Variants in CSRNP3 observed in about 807,000 individuals in gnomAD.
CSRNP3 encodes the protein cysteine and serine rich nuclear protein 3.
CSRNP3 carries 12 observed loss-of-function variants against 48.0 expected under a neutral mutation model. The observed-to-expected ratio is 0.25, with a 90% CI of 0.16 to 0.41. The LOEUF is 0.41. CSRNP3 is among the 10% of genes least tolerant of loss of function. The probability of loss-of-function intolerance (pLI) is 1.00; values close to 1 mark genes in which losing one functional copy is unlikely to be tolerated. For missense variants in CSRNP3, 580 were observed against 724.4 expected, an observed-to-expected ratio of 0.80 and a Z score of 2.29; for synonymous variants, 263 against 269.7, an observed-to-expected ratio of 0.98 and a Z score of 0.24.
intron 3 of CSRNP3, among the ~76,000 whole-genome samples, chr2:165,539,125 C>T (rs193062027): frequency 1.3e-5 from 2 of 151,946 alleles, no homozygotes; most frequent in South Asian, 2.1e-4. Context: ...TGCATTCAAC[C>T]TGATGGTATA....
At chr2:165,583,511 T>C (rs1685579968) in intron 3 of CSRNP3, among the ~76,000 whole-genome samples, 1 of 152,212 alleles carries the variant, frequency 6.6e-6, no homozygotes, top group Non-Finnish European at 1.5e-5. Context: ...CTTCTAATCC[T>C]GCTTGCTAAG....
At chr2:165,628,292 C>G (rs1330144554) in intron 4 of CSRNP3, among the ~76,000 whole-genome samples, 2 of 152,152 alleles carry the variant, frequency 1.3e-5, no homozygotes, top group Non-Finnish European at 2.9e-5. Context: ...CATTTTGTGC[C>G]TTTTTCCCCC....
chr2:165,493,330 G>T (rs1401978928), intron 1 of CSRNP3, among the ~76,000 whole-genome samples: 1 of 152,154 alleles, frequency 6.6e-6, no homozygotes, highest in South Asian at 2.1e-4. Context: ...ATATTGTGCA[G>T]GTGTCTTTTG....
intron 4 of CSRNP3, among the ~76,000 whole-genome samples, chr2:165,615,767 C>T (rs892184444): frequency 6.6e-6 from 1 of 151,432 alleles, no homozygotes; most frequent in Admixed American, 6.6e-5. Context: ...CAGGGTCTCT[C>T]TCTGTCACCC....
At chr2:165,536,561 T>C (rs879103088) in intron 3 of CSRNP3, among the ~76,000 whole-genome samples, 1 of 151,936 alleles carries the variant, frequency 6.6e-6, no homozygotes, top group Admixed American at 6.6e-5. Flanking sequence ...ATTTTTATAT[T>C]CTTCTGGGTG....
In CSRNP3 at chr2:165,576,572, C is replaced by T. The variant is rs541732049; in HGVS notation, c.-23-18471C>T. Among the ~76,000 whole-genome samples, 7 of 152,122 alleles carry T rather than the reference C, an allele frequency of 4.6e-5. No individual in the cohort carries two copies. In the South Asian group the frequency reaches 1.2e-3, roughly 27 times the overall value. ...AGAATTGTTGTGATTCTGTGAGCCACAAGAGAGCTATATATGTCCTGCAGC... is the reference window on the plus strand; with the variant it reads ...AGAATTGTTGTGATTCTGTGAGCCATAAGAGAGCTATATATGTCCTGCAGC... On this transcript the variant is annotated intron_variant, in intron 3 of 6. Coordinates refer to ENST00000651982, the MANE Select transcript of CSRNP3 (RefSeq NM_001172173.2).
chr2:165,677,278 C>G (rs1687442258), intron 6 of CSRNP3, among the ~76,000 whole-genome samples: 1 of 152,184 alleles, frequency 6.6e-6, no homozygotes, highest in Non-Finnish European at 1.5e-5. Context: ...TGACTGCTTT[C>G]TTGCTCCTAC....
intron 4 of CSRNP3, among the ~76,000 whole-genome samples, chr2:165,600,253 G>A (rs901913551): frequency 6.9e-6 from 1 of 145,424 alleles, no homozygotes. Context: ...TCCCTACAAA[G>A]GACATGAACT....
At chr2:165,482,557 G>A (rs1220355880) in intron 1 of CSRNP3, among the ~76,000 whole-genome samples, 2 of 152,050 alleles carry the variant, frequency 1.3e-5, no homozygotes, top group Admixed American at 6.6e-5. Flanking sequence ...GAGCCACCAT[G>A]CCCAGTCAAC....
At chr2:165,576,814 TAGAG>T (rs1180561872) in intron 3 of CSRNP3, among the ~76,000 whole-genome samples, 2 of 152,006 alleles carry the variant, frequency 1.3e-5, no homozygotes, top group African/African-American at 4.8e-5. Flanking sequence ...AAAGAATAAA[TAGAG>T]TGATCTAAAA....
At chr2:165,586,575 T>C (rs1482470639) in intron 3 of CSRNP3, among the ~76,000 whole-genome samples, 1 of 152,140 alleles carries the variant, frequency 6.6e-6, no homozygotes, top group Non-Finnish European at 1.5e-5. Context: ...CCCTAAGAGG[T>C]TCTTCTGCAA....
intron 4 of CSRNP3, among the ~76,000 whole-genome samples, chr2:165,615,264 C>T (rs1449486313): frequency 1.3e-5 from 2 of 152,122 alleles, no homozygotes; most frequent in South Asian, 2.1e-4. Flanking sequence ...ATATCCTTTG[C>T]CGGGTGTGGT....
At chr2:165,526,569 A>C (rs1684734531) in intron 3 of CSRNP3, among the ~76,000 whole-genome samples, 1 of 152,210 alleles carries the variant, frequency 6.6e-6, no homozygotes, top group Non-Finnish European at 1.5e-5. Context: ...TGAAAATATA[A>C]AGCTTTGGGA....
At chr2:165,527,408 T>C (rs1384310165) in intron 3 of CSRNP3, among the ~76,000 whole-genome samples, 1 of 151,912 alleles carries the variant, frequency 6.6e-6, no homozygotes, top group African/African-American at 2.4e-5. Flanking sequence ...CGTTTCACCA[T>C]GTTAGCCAGG....
chr2:165,499,541 A>G (rs1047797470), intron 2 of CSRNP3, among the ~76,000 whole-genome samples: 83 of 152,256 alleles, frequency 5.5e-4, no homozygotes, highest in African/African-American at 1.8e-3. Context: ...GAATTTGTAA[A>G]TACGCTGGGA....
chr2:165,542,797 T>G (rs10803798), intron 3 of CSRNP3, among the ~76,000 whole-genome samples: 38,253 of 152,098 alleles, frequency 0.25, 5,104 homozygotes, highest in East Asian at 0.46. Flanking sequence ...ACTTGCAAGT[T>G]ATCATAGTAT....
At chr2:165,511,068 A>G (rs990240762) in intron 2 of CSRNP3, among the ~76,000 whole-genome samples, 4 of 152,200 alleles carry the variant, frequency 2.6e-5, no homozygotes, top group Admixed American at 6.5e-5. Flanking sequence ...TACATCAAGA[A>G]AGGAAAAGTG....
intron 4 of CSRNP3, among the ~76,000 whole-genome samples, chr2:165,642,117 C>CACAA (rs1686732706): frequency 6.8e-6 from 1 of 148,094 alleles, no homozygotes; most frequent in Non-Finnish European, 1.5e-5. Context: ...CACACACACA[C>CACAA]ACACACACAC....
chr2:165,624,327 G>A (rs182914323), intron 4 of CSRNP3, among the ~76,000 whole-genome samples: 1 of 152,320 alleles, frequency 6.6e-6, no homozygotes, highest in East Asian at 1.9e-4. Context: ...CTCCTGAAGG[G>A]AATGGATAAA....
Sources: gnomAD v4.1 joint callset for allele counts (sites outside exome capture counted in the v4.1 genomes callset) on GRCh38, gnomAD v4.1.1 for gene constraint, MANE v1.5 for transcripts, NCBI Gene and HGNC (gene_info 2026-07-23, HGNC 2026-07-21) for gene names.